Variants in DEFB134 observed in about 807,000 individuals in gnomAD.
DEFB134 encodes beta-defensin 134.
DEFB134 carries 7 observed loss-of-function variants against 7.4 expected under a neutral mutation model. The ratio of observed to expected loss-of-function variants is 0.95; its 90% CI spans 0.54 to 1.79. The LOEUF (loss-of-function observed/expected upper bound fraction) is 1.79, where lower values mean the gene tolerates loss of function less well. Among genes scored for constraint, DEFB134 ranks in the 40% most tolerant of loss-of-function variants. DEFB134 has a pLI of 0.00. For synonymous variants in DEFB134, 33 were observed against 25.0 expected, an observed-to-expected ratio of 1.32 and a Z score of -0.96; for missense variants, 105 against 74.8, an observed-to-expected ratio of 1.40 and a Z score of -1.49.
intron 1 of DEFB134, among the ~76,000 whole-genome samples, chr8:11,994,946 T>C (rs938897160): frequency 2.0e-5 from 3 of 152,194 alleles, no homozygotes; most frequent in Admixed American, 6.5e-5. Flanking sequence ...TGAAATCAAT[T>C]CTGAAGATTT....
chr8:11,997,984 T>TA (rs1439901876), upstream of DEFB134, among the ~76,000 whole-genome samples: 2 of 152,150 alleles, frequency 1.3e-5, no homozygotes, highest in African/African-American at 4.8e-5. Context: ...AAGCAATCCT[T>TA]AACAAATTAA....
chr8:11,996,138 G>C (rs529437981), intron 1 of DEFB134, 56 bp downstream of exon 2: 16 of 1,597,740 alleles, frequency 1.0e-5, no homozygotes, highest in East Asian at 2.2e-5. Context: ...GGGTTGTTTA[G>C]TGGCATTGTT....
At chr8:11,995,354 A>G (rs375613655) in intron 1 of DEFB134, among the ~76,000 whole-genome samples, 1 of 152,316 alleles carries the variant, frequency 6.6e-6, no homozygotes, top group African/African-American at 2.4e-5. Context: ...CATAATCTGA[A>G]GATGTGATTC....
chr8:11,994,618 A>G (rs1453844330), intron 1 of DEFB134, among the ~76,000 whole-genome samples: 1 of 152,258 alleles, frequency 6.6e-6, no homozygotes, highest in Non-Finnish European at 1.5e-5. Flanking sequence ...TGACTAAAAC[A>G]AGTAATAATT....
rs139123746 is a variant in DEFB134, at chr8:11,994,012, C to A, written c.169G>T (p.Glu57Ter). 2.7e-5 allele frequency: 43 copies of A among 1,613,890 alleles called. No homozygotes were observed. In the Admixed American group the frequency reaches 6.2e-4, roughly 23 times the overall value. Residue 57 changes from glutamate (E) to a stop codon, truncating the protein, a stop_gained, in exon 2 of 2, where the codon GAG becomes TAG. Coordinates refer to ENST00000526438, the Ensembl canonical transcript of DEFB134. LOFTEE classifies it high-confidence loss of function. ...GCAGGATTTCCTTTGACACAGCACT[C>A]CAGCTGAAACATACAGTAGGCAACT...
chr8:11,994,846 A>C (rs2150558756), intron 1 of DEFB134, among the ~76,000 whole-genome samples: 1 of 152,334 alleles, frequency 6.6e-6, no homozygotes, highest in African/African-American at 2.4e-5. Context: ...AAAAGAGAAG[A>C]AATACAAAAT....
chr8:11,996,690 G>A (rs1800132806), upstream of DEFB134, among the ~76,000 whole-genome samples: 1 of 152,124 alleles, frequency 6.6e-6, no homozygotes, highest in Admixed American at 6.6e-5. Context: ...GAGACAAACT[G>A]TCATTCTAAA....
chr8:11,996,781 C>T (rs1405198133), upstream of DEFB134, among the ~76,000 whole-genome samples: 3 of 152,148 alleles, frequency 2.0e-5, no homozygotes, highest in African/African-American at 7.2e-5. Flanking sequence ...ATTAGGTATC[C>T]TGCTTTTGTA....
chr8:11,998,129 T>C (rs1408647789), upstream of DEFB134, among the ~76,000 whole-genome samples: 1 of 152,040 alleles, frequency 6.6e-6, no homozygotes, highest in African/African-American at 2.4e-5. Flanking sequence ...GGGTAAAGGA[T>C]AAAATTAAGG....
intron 1 of DEFB134, among the ~76,000 whole-genome samples, chr8:11,994,420 A>G (rs1563113578): frequency 6.6e-6 from 1 of 152,232 alleles, no homozygotes; most frequent in African/African-American, 2.4e-5. Flanking sequence ...GGCTAATCCA[A>G]TAGGATTGAT....
chr8:12,000,325 T>C (rs1800237717), upstream of DEFB134, among the ~76,000 whole-genome samples: 1 of 152,338 alleles, frequency 6.6e-6, no homozygotes, highest in Non-Finnish European at 1.5e-5. Context: ...TCCATGACTG[T>C]CTTATTTATC....
At chr8:11,993,893 TCA>T in exon 2 of DEFB134, 1 of 1,534,462 alleles carries the variant, frequency 6.5e-7, no homozygotes, top group South Asian at 1.3e-5. Context: ...CATCATGGTG[TCA>T]CAGTTTGATC....
At chr8:11,993,683 A>T (rs952350987) in exon 2 of DEFB134, 17 of 262,396 alleles carry the variant, frequency 6.5e-5, no homozygotes, top group Non-Finnish European at 9.9e-5. Context: ...TCTAAATAAT[A>T]AGAATATCCT....
upstream of DEFB134, among the ~76,000 whole-genome samples, chr8:11,996,500 C>T (rs1800127633): frequency 6.6e-6 from 1 of 152,192 alleles, no homozygotes; most frequent in African/African-American, 2.4e-5. Flanking sequence ...TGTTCTCCCA[C>T]CCAGGTTTTC....
chr8:12,000,386 G>T (rs116081770), upstream of DEFB134, among the ~76,000 whole-genome samples: 2 of 152,082 alleles, frequency 1.3e-5, no homozygotes, highest in East Asian at 1.9e-4. Context: ...AGTGCCAAAG[G>T]TATATTTGTT....
chr8:11,998,919 A>G (rs1191107226), upstream of DEFB134, among the ~76,000 whole-genome samples: 2 of 152,232 alleles, frequency 1.3e-5, no homozygotes, highest in Admixed American at 1.3e-4. Flanking sequence ...GCATGCACAC[A>G]TGCTACAAAG....
At chr8:11,996,128 G>T in intron 1 of DEFB134, 66 bp downstream of exon 2, 1 of 1,578,568 alleles carries the variant, frequency 6.3e-7, no homozygotes, top group South Asian at 1.1e-5. Flanking sequence ...TATGTTTATT[G>T]GGTTGTTTAG....
chr8:11,999,460 A>C (rs1435775055), upstream of DEFB134: 1 of 153,874 alleles, frequency 6.5e-6, no homozygotes, highest in Non-Finnish European at 1.5e-5. Flanking sequence ...GCTTTAACCC[A>C]AGCAAAAATA....
chr8:11,996,629 A>C (rs898712248), upstream of DEFB134, among the ~76,000 whole-genome samples: 2 of 152,232 alleles, frequency 1.3e-5, no homozygotes, highest in Non-Finnish European at 2.9e-5. Context: ...AAATTGGTAA[A>C]ATATTAAACA....
Sources: allele counts gnomAD v4.1 joint callset (sites outside exome capture counted in the v4.1 genomes callset), GRCh38; gene constraint gnomAD v4.1.1; transcripts MANE v1.5; gene names NCBI Gene and HGNC (gene_info 2026-07-23, HGNC 2026-07-21).